Variants in CNBD1 observed in about 807,000 individuals in gnomAD.
CNBD1 encodes cyclic nucleotide-binding domain-containing protein 1.
CNBD1 carries 71 observed loss-of-function variants against 54.4 expected under a neutral mutation model. The observed-to-expected ratio is 1.30, with a 90% CI of 1.08 to 1.59. The LOEUF (loss-of-function observed/expected upper bound fraction) is 1.59. Ranked by LOEUF, CNBD1 falls within the 40% of genes most tolerant of loss-of-function variation. CNBD1 has a pLI of 0.00. For missense variants in CNBD1, 659 were observed against 518.0 expected (o/e 1.27, Z -2.64); for synonymous variants, 182 against 170.7 (o/e 1.07, Z -0.51).
At chr8:86,967,883 G>A (rs544129354) in intron 4 of CNBD1, among the ~76,000 whole-genome samples, 23 of 151,700 alleles carry the variant, frequency 1.5e-4, no homozygotes, top group African/African-American at 5.6e-4. Context: ...TTGAAAGGTA[G>A]ATATTGAGAT....
chr8:87,045,650 G>T (rs1233376890), intron 4 of CNBD1, among the ~76,000 whole-genome samples: 1 of 150,616 alleles, frequency 6.6e-6, no homozygotes, highest in Non-Finnish European at 1.5e-5. Flanking sequence ...GCGTGAACCC[G>T]GTAGGCGGAG....
At chr8:86,875,898 T>C (rs1490872106) in intron 1 of CNBD1, among the ~76,000 whole-genome samples, 1 of 152,216 alleles carries the variant, frequency 6.6e-6, no homozygotes, top group Non-Finnish European at 1.5e-5. Context: ...CTTTGATTAT[T>C]TGGATAAATC....
At chr8:87,421,442 C>G (rs1489312381) in intron 2 of CNBD1, among the ~76,000 whole-genome samples, 55 of 121,288 alleles carry the variant, frequency 4.5e-4, no homozygotes, top group African/African-American at 1.6e-3. Flanking sequence ...CACCCCACAA[C>G]AGTCCCCAGA....
intron 8 of CNBD1, among the ~76,000 whole-genome samples, chr8:87,292,019 T>G (rs1273328618): frequency 6.6e-6 from 1 of 152,216 alleles, no homozygotes; most frequent in Non-Finnish European, 1.5e-5. Flanking sequence ...AGAAAATAAT[T>G]TAACTCTTTG....
intron 8 of CNBD1, among the ~76,000 whole-genome samples, chr8:87,328,863 A>C (rs943678944): frequency 3.3e-5 from 5 of 152,024 alleles, no homozygotes. Context: ...TTTTGATGCT[A>C]CTGTAAATTA....
chr8:87,366,061 T>C (rs1217054891), intron 10 of CNBD1, among the ~76,000 whole-genome samples: 1 of 152,064 alleles, frequency 6.6e-6, no homozygotes, highest in African/African-American at 2.4e-5. Context: ...CCAGACTTCA[T>C]TGTAGGTTGA....
In CNBD1 at chr8:87,034,676, T is replaced by C. The variant is rs574401061; in HGVS notation, c.431+94922T>C. On this transcript the variant is annotated intron_variant, in intron 4 of 10. Transcript: ENST00000518476. ...TAGACTCGTATATAATATCTACATA[T>C]ATTATTTGCATGCATGACATACTTA... is the stretch of plus-strand genomic sequence containing the variant. Among the ~76,000 whole-genome samples the C allele has an allele frequency of 2.0e-4, 30 of 152,334 alleles. 1 individual carries two copies. The highest frequency in any genetic ancestry group is 3.8e-4 in the Non-Finnish European group (26 of 68,020).
At chr8:87,350,970 A>G (rs1479344923) in intron 8 of CNBD1, among the ~76,000 whole-genome samples, 1 of 152,210 alleles carries the variant, frequency 6.6e-6, no homozygotes, top group Non-Finnish European at 1.5e-5. Context: ...TTGAAAGAAT[A>G]ATGATAATAA....
chr8:87,413,817 A>G (rs1807790782), intron 2 of CNBD1, among the ~76,000 whole-genome samples: 7 of 146,924 alleles, frequency 4.8e-5, no homozygotes, highest in Admixed American at 1.4e-4. Context: ...CAAAACCACA[A>G]TGAGATACCA....
intron 8 of CNBD1, among the ~76,000 whole-genome samples, chr8:87,330,598 A>G (rs576903080): frequency 3.9e-5 from 6 of 152,218 alleles, no homozygotes; most frequent in South Asian, 2.1e-4. Context: ...GTTGTTCTGG[A>G]TATCTCTTAG....
At chr8:87,194,731 T>G (rs551266351) in intron 4 of CNBD1, among the ~76,000 whole-genome samples, 21 of 152,332 alleles carry the variant, frequency 1.4e-4, no homozygotes, top group African/African-American at 5.1e-4. Flanking sequence ...CCCTCCTTAT[T>G]CTGTAGTTCA....
At chr8:86,947,620 A>T (rs1012341859) in intron 4 of CNBD1, among the ~76,000 whole-genome samples, 1 of 151,802 alleles carries the variant, frequency 6.6e-6, no homozygotes, top group African/African-American at 2.4e-5. Flanking sequence ...TTCACTTTTT[A>T]TTTTTTTATT....
chr8:87,378,524 G>T (rs1300728430), intron 10 of CNBD1, among the ~76,000 whole-genome samples: 2 of 150,668 alleles, frequency 1.3e-5, no homozygotes, highest in Non-Finnish European at 2.9e-5. Flanking sequence ...TCTCTGTTTT[G>T]GTACCAGTAC....
intron 4 of CNBD1, among the ~76,000 whole-genome samples, chr8:87,038,671 T>A (rs1810000387): frequency 6.6e-6 from 1 of 152,256 alleles, no homozygotes; most frequent in Non-Finnish European, 1.5e-5. Context: ...TATTGGCCAT[T>A]CATTACCTTT....
At chr8:87,362,411 C>T (rs1810540497) in intron 10 of CNBD1, among the ~76,000 whole-genome samples, 1 of 152,074 alleles carries the variant, frequency 6.6e-6, no homozygotes, top group Admixed American at 6.6e-5. Context: ...GCCCCTTGTT[C>T]ATCCAACAGA....
intron 5 of CNBD1, among the ~76,000 whole-genome samples, chr8:87,214,549 C>T (rs6991286): frequency 0.011 from 1,646 of 152,194 alleles, 28 homozygotes; most frequent in African/African-American, 0.037. Flanking sequence ...TCCACATTTT[C>T]GGGTATCTTT....
At chr8:87,264,939 A>C (rs1188450944) in intron 6 of CNBD1, among the ~76,000 whole-genome samples, 12 of 151,900 alleles carry the variant, frequency 7.9e-5, no homozygotes, top group Non-Finnish European at 1.6e-4. Flanking sequence ...ATTTTCTCCC[A>C]TTTTGTAGGT....
intron 4 of CNBD1, among the ~76,000 whole-genome samples, chr8:87,030,474 T>C (rs1401959384): frequency 6.6e-6 from 1 of 152,232 alleles, no homozygotes; most frequent in Admixed American, 6.5e-5. Context: ...CAAGACATTC[T>C]GTCCAAGTAT....
In CNBD1 at chr8:87,323,893, G is replaced by T. The variant is rs945551211; in HGVS notation, c.1043-27792G>T. Among the ~76,000 whole-genome samples, 112 of 136,556 alleles carry T rather than the reference G, an allele frequency of 8.2e-4. 1 individual carries two copies. The highest frequency in any genetic ancestry group is 2.7e-3 in the African/African-American group (98 of 36,604). 89.6% of individuals were successfully genotyped at this position (136,556 alleles called of 152,430 possible). On this transcript the variant is annotated intron_variant, in intron 8 of 10. Transcript: ENST00000518476. ...TCTGTCTTGTGCCAGTTTTCAAAGG[G>T]AATGCTTCCAGTTTTTGCCCATTCA... is the stretch of plus-strand genomic sequence containing the variant.
Sources: gnomAD v4.1 joint callset for allele counts (sites outside exome capture counted in the v4.1 genomes callset) on GRCh38, gnomAD v4.1.1 for gene constraint, MANE v1.5 for transcripts, NCBI Gene and HGNC (gene_info 2026-07-23, HGNC 2026-07-21) for gene names.